MARCHF1: variants seen among roughly 807,000 people sequenced by gnomAD.
The protein encoded by MARCHF1 is E3 ubiquitin-protein ligase MARCHF1.
A neutral mutation model predicts 54.2 loss-of-function variants in MARCHF1; 40 were observed. That is an observed-to-expected ratio of 0.74 (90% CI 0.57 to 0.96). The LOEUF is 0.96. Ranked by LOEUF, MARCHF1 falls within the 40% of genes least tolerant of loss-of-function variation. MARCHF1 has a pLI of 0.00. For missense variants in MARCHF1, 586 were observed against 656.5 expected (o/e 0.89, Z 1.17); for synonymous variants, 236 against 236.3 (o/e 1.00, Z 0.01).
rs1380804535 is a variant in MARCHF1 at position 164,135,517 on chromosome 4, G to T, written c.-322-23855C>A. The T allele has an allele frequency of 3.3e-5, 5 of 152,308 alleles. No individual in the cohort carries two copies. The East Asian group carries it at 9.7e-4, about 29-fold the overall frequency. 9.4% of individuals were successfully genotyped at this position (152,308 alleles called of 1,614,324 possible). A position where few individuals can be genotyped will look rare whatever the true frequency, so the allele number is the denominator to read the frequency against. On this transcript the variant is annotated intron_variant, in intron 1 of 9. Coordinates refer to ENST00000514618, the MANE Select transcript of MARCHF1 (RefSeq NM_001394959.1). ...CACATGGCAACAAGAAGGAGAAGAA[G>T]AATGAGAGAAGTGCAGAGAAGGGTG...
At chr4:163,976,362 A>G (rs1302900924) in intron 3 of MARCHF1, among the ~76,000 whole-genome samples, 1 of 152,208 alleles carries the variant, frequency 6.6e-6, no homozygotes, top group African/African-American at 2.4e-5. Flanking sequence ...GTTTGATGAC[A>G]AAATGAGGTG....
intron 5 of MARCHF1, among the ~76,000 whole-genome samples, chr4:163,615,902 G>A (rs1157184016): frequency 6.6e-6 from 1 of 151,994 alleles, no homozygotes; most frequent in Admixed American, 6.6e-5. Context: ...GAACACAACA[G>A]GGAATTCAGA....
intron 4 of MARCHF1, among the ~76,000 whole-genome samples, chr4:163,735,315 T>A (rs746241785): frequency 3.9e-5 from 6 of 152,154 alleles, no homozygotes; most frequent in Non-Finnish European, 8.8e-5. Context: ...CCCATTAGAA[T>A]GTGAGAGCCA....
intron 5 of MARCHF1, among the ~76,000 whole-genome samples, chr4:163,672,645 A>G (rs960127863): frequency 6.6e-6 from 1 of 152,184 alleles, no homozygotes; most frequent in Non-Finnish European, 1.5e-5. Context: ...TTTAACTACC[A>G]TTGAAAACTA....
chr4:164,335,299 T>A (rs948793085), intron 1 of MARCHF1, among the ~76,000 whole-genome samples: 1 of 152,110 alleles, frequency 6.6e-6, no homozygotes, highest in Non-Finnish European at 1.5e-5. Context: ...ATTTAAGAAT[T>A]TGCCTCAGCC....
chr4:163,904,150 T>C (rs1751005327), intron 3 of MARCHF1, among the ~76,000 whole-genome samples: 1 of 152,284 alleles, frequency 6.6e-6, no homozygotes, highest in East Asian at 1.9e-4. Flanking sequence ...TGTCTAAAAT[T>C]ACATGAAAAA....
intron 1 of MARCHF1, among the ~76,000 whole-genome samples, chr4:164,169,095 T>G (rs10006034): frequency 0.19 from 28,739 of 151,976 alleles, 4,351 homozygotes; most frequent in African/African-American, 0.41. Context: ...TAGCTGCCCT[T>G]GTCACAAAAA....
chr4:164,206,007 G>A (rs1385210377), intron 1 of MARCHF1, among the ~76,000 whole-genome samples: 2 of 152,106 alleles, frequency 1.3e-5, no homozygotes, highest in Non-Finnish European at 2.9e-5. Flanking sequence ...AAAAATACCT[G>A]AAATTGTAAA....
chr4:164,364,917 C>A (rs756458481), intron 1 of MARCHF1, among the ~76,000 whole-genome samples: 2 of 151,800 alleles, frequency 1.3e-5, no homozygotes, highest in Non-Finnish European at 2.9e-5. Context: ...GAGTAACACA[C>A]AAAATATTCA....
intron 1 of MARCHF1, among the ~76,000 whole-genome samples, chr4:164,233,391 T>TC (rs1347094114): frequency 1.3e-5 from 2 of 152,152 alleles, no homozygotes; most frequent in Admixed American, 1.3e-4. Flanking sequence ...ATGCCCTGAA[T>TC]CCCCAGAGCT....
intron 9 of MARCHF1, among the ~76,000 whole-genome samples, chr4:163,541,128 A>C (rs1274874709): frequency 6.6e-6 from 1 of 152,224 alleles, no homozygotes; most frequent in Non-Finnish European, 1.5e-5. Context: ...GGTTGTTCTC[A>C]TCTGCTGGAG....
intron 1 of MARCHF1, among the ~76,000 whole-genome samples, chr4:164,140,683 C>T (rs1277961842): frequency 6.6e-6 from 1 of 152,096 alleles, no homozygotes. Flanking sequence ...TACCTGTCGC[C>T]ATCATTTCCT....
intron 1 of MARCHF1, 184 bp downstream of exon 1, chr4:164,383,686 G>A (rs184469390): frequency 0.011 from 1,622 of 152,858 alleles, 23 homozygotes; most frequent in African/African-American, 0.034. Flanking sequence ...GGCAGCACCC[G>A]CCGCGAACCC....
chr4:164,351,453 C>T (rs1265034783), intron 1 of MARCHF1, among the ~76,000 whole-genome samples: 109 of 150,930 alleles, frequency 7.2e-4, no homozygotes, highest in Admixed American at 7.0e-3. Context: ...GGTCCCTGAC[C>T]CCTGACCCCC....
At chr4:163,761,442 G>A (rs917393470) in intron 4 of MARCHF1, among the ~76,000 whole-genome samples, 1 of 152,204 alleles carries the variant, frequency 6.6e-6, no homozygotes, top group Non-Finnish European at 1.5e-5. Flanking sequence ...AGGCATTGGT[G>A]TCCTGTAGAA....
intron 4 of MARCHF1, among the ~76,000 whole-genome samples, chr4:163,802,031 A>G (rs1748096972): frequency 6.6e-6 from 1 of 152,094 alleles, no homozygotes; most frequent in Non-Finnish European, 1.5e-5. Context: ...AGATTTGACA[A>G]TCCTATTTCA....
intron 4 of MARCHF1, among the ~76,000 whole-genome samples, chr4:163,794,360 A>G (rs1361394597): frequency 6.6e-6 from 1 of 152,234 alleles, no homozygotes; most frequent in African/African-American, 2.4e-5. Context: ...TTGAGCAAGT[A>G]TATAATTTTC....
intron 2 of MARCHF1, among the ~76,000 whole-genome samples, chr4:164,109,074 T>A (rs1039757725): frequency 6.6e-6 from 1 of 152,058 alleles, no homozygotes; most frequent in African/African-American, 2.4e-5. Context: ...CTGGGACCAT[T>A]GTTGAGCGTG....
At position 163,947,871 on chromosome 4, in the gene MARCHF1, C is replaced by T. The variant is rs879636664; in HGVS notation, c.-39+40630G>A. 7.9e-5 allele frequency among the ~76,000 whole-genome samples: 12 copies of T among 152,122 alleles called. No homozygotes were observed. The East Asian group carries it at 9.6e-4, about 12-fold the overall frequency. The stretch of plus-strand genomic sequence containing the variant: ...TAGTTTTCCATTTCATATCTAAGTA[C>T]TAAAAACTGCTTTGTAGTTATTTTA... On this transcript the variant is annotated intron_variant, in intron 3 of 9. Transcript: ENST00000514618.
Sources: allele counts gnomAD v4.1 joint callset (sites outside exome capture counted in the v4.1 genomes callset), GRCh38; gene constraint gnomAD v4.1.1; transcripts MANE v1.5; gene names NCBI Gene and HGNC (gene_info 2026-07-23, HGNC 2026-07-21).